PLPP1: variants seen among roughly 807,000 people sequenced by gnomAD.
PLPP1 encodes the protein phospholipid phosphatase 1.
A neutral mutation model predicts 31.2 loss-of-function variants in PLPP1; 24 were observed. The ratio of observed to expected loss-of-function variants is 0.77; its 90% CI spans 0.56 to 1.08. The LOEUF (loss-of-function observed/expected upper bound fraction) is 1.08. Among genes scored for constraint, PLPP1 ranks in the 50% least tolerant of loss-of-function variants. The pLI, the probability that PLPP1 is intolerant of heterozygous loss-of-function variation, is 0.00. For missense variants in PLPP1, 319 were observed against 342.7 expected, an observed-to-expected ratio of 0.93 and a Z score of 0.55; for synonymous variants, 146 against 126.3, an observed-to-expected ratio of 1.16 and a Z score of -1.05.
chr5:55,524,040 TG>T, intron 1 of PLPP1, among the ~76,000 whole-genome samples: 1 of 152,348 alleles, frequency 6.6e-6, no homozygotes, highest in East Asian at 1.9e-4. Context: ...CAGCAAATAA[TG>T]TCTGCTTAAT....
chr5:55,453,631 T>G, intron 3 of PLPP1, among the ~76,000 whole-genome samples: 1 of 152,314 alleles, frequency 6.6e-6, no homozygotes, highest in East Asian at 1.9e-4. Flanking sequence ...TGTATCCTGT[T>G]ATAAATTTTT....
chr5:55,479,894 T>C (rs775135277), intron 1 of PLPP1, among the ~76,000 whole-genome samples: 23 of 152,226 alleles, frequency 1.5e-4, no homozygotes, highest in Non-Finnish European at 3.2e-4. Context: ...TGAACATTTC[T>C]GAATACAAAT....
intron 1 of PLPP1, among the ~76,000 whole-genome samples, chr5:55,477,346 G>A (rs971852835): frequency 6.6e-6 from 1 of 151,158 alleles, no homozygotes; most frequent in Non-Finnish European, 1.5e-5. Context: ...CTAACCCAAT[G>A]AGCAAATTTA....
intron 3 of PLPP1, among the ~76,000 whole-genome samples, chr5:55,443,192 A>AAATATATATATATATATATATATATAT: frequency 3.9e-5 from 1 of 25,444 alleles, no homozygotes. Flanking sequence ...AAAAAAAAAA[A>AAATATATATATATATATATATATATAT]ATATATATAT....
chr5:55,481,090 C>T (rs145797631), intron 1 of PLPP1, among the ~76,000 whole-genome samples: 3,923 of 152,272 alleles, frequency 0.026, 78 homozygotes, highest in Middle Eastern at 0.037. Flanking sequence ...AACACTTCGC[C>T]GTCCTTTATT....
intron 1 of PLPP1, among the ~76,000 whole-genome samples, chr5:55,507,531 T>G (rs1402383924): frequency 6.6e-6 from 1 of 152,202 alleles, no homozygotes; most frequent in African/African-American, 2.4e-5. Context: ...TTCAAAAATG[T>G]TAATAGTAGC....
At chr5:55,440,698 C>T (rs751066054) in intron 4 of PLPP1, among the ~76,000 whole-genome samples, 2 of 152,210 alleles carry the variant, frequency 1.3e-5, no homozygotes, top group Non-Finnish European at 2.9e-5. Flanking sequence ...AACACATCTA[C>T]AATTTACATA....
intron 4 of PLPP1, among the ~76,000 whole-genome samples, chr5:55,441,065 T>A (rs1350140807): frequency 1.7e-4 from 26 of 152,208 alleles, no homozygotes; most frequent in Admixed American, 1.7e-3. Flanking sequence ...TTATTAATAC[T>A]TTATATGTAA....
At chr5:55,458,952 G>C (rs1025409534) in intron 3 of PLPP1, among the ~76,000 whole-genome samples, 2 of 143,680 alleles carry the variant, frequency 1.4e-5, no homozygotes, top group African/African-American at 5.1e-5. Flanking sequence ...CAGCCATATT[G>C]GTAATTACAT....
intron 4 of PLPP1, among the ~76,000 whole-genome samples, chr5:55,426,792 C>CTAT (rs1751209426): frequency 2.0e-5 from 3 of 152,118 alleles, no homozygotes; most frequent in Non-Finnish European, 4.4e-5. Flanking sequence ...TATCTAGGGA[C>CTAT]TATTTCATTA....
chr5:55,504,563 A>G (rs987483842), intron 1 of PLPP1, among the ~76,000 whole-genome samples: 2 of 147,794 alleles, frequency 1.4e-5, no homozygotes, highest in East Asian at 2.0e-4. Flanking sequence ...TAATGAAACT[A>G]GGGACCCTTT....
At chr5:55,478,946 C>T (rs949745392) in intron 1 of PLPP1, among the ~76,000 whole-genome samples, 1 of 151,952 alleles carries the variant, frequency 6.6e-6, no homozygotes, top group Non-Finnish European at 1.5e-5. Context: ...GCTGCCACCA[C>T]CAAAGGCCTT....
At chr5:55,487,226 GGATTTGA>G (rs1752793094) in intron 1 of PLPP1, among the ~76,000 whole-genome samples, 2 of 151,930 alleles carry the variant, frequency 1.3e-5, no homozygotes, top group Non-Finnish European at 2.9e-5. Flanking sequence ...TGCAACATAT[GGATTTGA>G]GATTTAATAC....
Position 55,493,314 on chromosome 5 carries a change from C to T in PLPP1, c.59-17864G>A, listed in dbSNP as rs987321480. ...TGGGCAACAGGACAAGACCCTGTCT[C>T]AAAAAAAAAAAAAAGAAGAAGAAAA... On this transcript the variant is annotated intron_variant, in intron 1 of 5. Transcript: ENST00000307259. Among the ~76,000 whole-genome samples, 518 of 103,904 alleles carry T rather than the reference C, an allele frequency of 5.0e-3. 3 individuals carry two copies. The highest frequency in any genetic ancestry group is 0.018 in the African/African-American group (500 of 27,584). The allele number at this position is 103,904 out of a possible 152,430, so 68.2% of individuals were successfully genotyped here. A position where few individuals can be genotyped will look rare whatever the true frequency, so the allele number is the denominator to read the frequency against.
chr5:55,522,545 A>C (rs529120326), intron 1 of PLPP1, among the ~76,000 whole-genome samples: 21 of 152,026 alleles, frequency 1.4e-4, no homozygotes, highest in Non-Finnish European at 2.6e-4. Flanking sequence ...TACAGGTATA[A>C]GCCACTGCTC....
At chr5:55,462,113 T>C (rs1432697360) in intron 3 of PLPP1, among the ~76,000 whole-genome samples, 1 of 152,194 alleles carries the variant, frequency 6.6e-6, no homozygotes, top group East Asian at 1.9e-4. Flanking sequence ...TGGCAATTCT[T>C]CAAAAATTGA....
At chr5:55,476,791 G>C (rs929247654) in intron 1 of PLPP1, among the ~76,000 whole-genome samples, 1 of 152,166 alleles carries the variant, frequency 6.6e-6, no homozygotes, top group Non-Finnish European at 1.5e-5. Context: ...CACTCTGCCT[G>C]AGTGTATTTA....
intron 1 of PLPP1, among the ~76,000 whole-genome samples, chr5:55,521,309 G>A (rs1272348563): frequency 7.3e-5 from 11 of 151,178 alleles, no homozygotes; most frequent in African/African-American, 7.3e-5. Flanking sequence ...CCGAGATTGC[G>A]CCACTGCACA....
chr5:55,445,690 G>A (rs10471947), intron 3 of PLPP1, among the ~76,000 whole-genome samples: 130,523 of 151,768 alleles, frequency 0.86, 56,513 homozygotes, highest in South Asian at 0.92. Flanking sequence ...GATTAGAGGC[G>A]CCTGCCATCA....
Sources: allele counts gnomAD v4.1 joint callset (sites outside exome capture counted in the v4.1 genomes callset), GRCh38; gene constraint gnomAD v4.1.1; transcripts MANE v1.5; gene names NCBI Gene and HGNC (gene_info 2026-07-23, HGNC 2026-07-21).